AREL1: variants seen among roughly 807,000 people sequenced by gnomAD.
AREL1 encodes the protein apoptosis resistant E3 ubiquitin protein ligase 1.
AREL1 carries 62 observed loss-of-function variants against 99.0 expected under a neutral mutation model. The ratio of observed to expected loss-of-function variants is 0.63; its 90% CI spans 0.51 to 0.77. The LOEUF is 0.77. Ranked by LOEUF, AREL1 falls within the 30% of genes least tolerant of loss-of-function variation. The pLI, the probability that AREL1 is intolerant of heterozygous loss-of-function variation, is 0.00. For missense variants in AREL1, 879 were observed against 1,027.6 expected (o/e 0.86, Z 1.98); for synonymous variants, 380 against 376.5 (o/e 1.01, Z -0.11).
chr14:74,683,259 G>GGA, intron 5 of AREL1, 37 bp downstream of exon 5: 1 of 1,420,534 alleles, frequency 7.0e-7, no homozygotes, highest in African/African-American at 1.4e-5. Context: ...AGAGAGGGAA[G>GGA]GAGACAAAGG....
chr14:74,677,832 G>A (rs1406112598), intron 5 of AREL1, among the ~76,000 whole-genome samples: 174 of 142,988 alleles, frequency 1.2e-3, no homozygotes, highest in Admixed American at 3.1e-3. Context: ...AAAAAAAAAA[G>A]AGGAAAAAAC....
At chr14:74,669,605 A>G (rs1405525960) in intron 15 of AREL1, 44 bp downstream of exon 15, 2 of 1,599,806 alleles carry the variant, frequency 1.3e-6, no homozygotes, top group Non-Finnish European at 8.5e-7. Context: ...GCTCTACAGG[A>G]AACTGGAGAA....
At chr14:74,673,471 TAAG>T (rs1236428452) in intron 9 of AREL1, among the ~76,000 whole-genome samples, 1 of 152,166 alleles carries the variant, frequency 6.6e-6, no homozygotes, top group Non-Finnish European at 1.5e-5. Context: ...ACATAAAATA[TAAG>T]AAGGGTGATA....
At chr14:74,693,779 A>G (rs2089929283) in intron 1 of AREL1, among the ~76,000 whole-genome samples, 1 of 152,260 alleles carries the variant, frequency 6.6e-6, no homozygotes. Context: ...CAAGGAAGAA[A>G]GCACAAAATG....
intron 1 of AREL1, chr14:74,701,579 T>C (rs772793038): frequency 2.0e-5 from 3 of 152,204 alleles, no homozygotes; most frequent in African/African-American, 7.2e-5. Context: ...ATGAGAATTA[T>C]GGGAACTATA....
chr14:74,708,489 T>C (rs1187632027), intron 1 of AREL1, among the ~76,000 whole-genome samples: 1 of 152,190 alleles, frequency 6.6e-6, no homozygotes, highest in Non-Finnish European at 1.5e-5. Flanking sequence ...GTTTACCATA[T>C]ATACCGGGGG....
chr14:74,676,973 G>A (rs906553063), intron 5 of AREL1, among the ~76,000 whole-genome samples: 5 of 151,414 alleles, frequency 3.3e-5, no homozygotes, highest in Non-Finnish European at 5.9e-5. Flanking sequence ...ATTTTTTTTT[G>A]TATTTTTAGT....
At chr14:74,685,700 T>TTGA (rs2089733031) in intron 2 of AREL1, 40 bp from the exon 3 acceptor site, 1 of 1,560,158 alleles carries the variant, frequency 6.4e-7, no homozygotes. Context: ...TCTCCAACTC[T>TTGA]GCCTCATAGC....
At chr14:74,687,384 T>C (rs1405091857) in intron 2 of AREL1, among the ~76,000 whole-genome samples, 1 of 152,172 alleles carries the variant, frequency 6.6e-6, no homozygotes, top group Admixed American at 6.5e-5. Context: ...GACTGCAAAC[T>C]GTGTGACCTA....
At chr14:74,706,863 G>A (rs2090188067) in intron 1 of AREL1, among the ~76,000 whole-genome samples, 1 of 152,140 alleles carries the variant, frequency 6.6e-6, no homozygotes, top group Non-Finnish European at 1.5e-5. Flanking sequence ...AGCTTCTCAG[G>A]AAAGTTCACA....
intron 5 of AREL1, among the ~76,000 whole-genome samples, chr14:74,677,276 C>T (rs552254683): frequency 1.3e-5 from 2 of 151,808 alleles, no homozygotes; most frequent in Admixed American, 1.3e-4. Context: ...CAGAGAATCC[C>T]TTAAGGATCC....
chr14:74,700,309 A>C (rs908896474), intron 1 of AREL1, among the ~76,000 whole-genome samples: 9 of 152,244 alleles, frequency 5.9e-5, no homozygotes, highest in African/African-American at 1.7e-4. Flanking sequence ...AGAAAGCTAA[A>C]ATGACTTGCC....
intron 17 of AREL1, among the ~76,000 whole-genome samples, chr14:74,666,820 AGT>A (rs925718456): frequency 4.6e-5 from 7 of 151,716 alleles, no homozygotes; most frequent in Non-Finnish European, 1.0e-4. Context: ...CCGGGGTTCA[AGT>A]AATTCTCATG....
At position 74,684,571 on chromosome 14, in the gene AREL1, C is replaced by G. The variant is rs1479720860; in HGVS notation, c.126G>C (p.Gly42=). Residue 42 remains glycine, a synonymous_variant, in exon 4 of 20, where the codon GGG becomes GGC. Transcript: ENST00000356357. ...FLQNEDRERR[G]DRTIYDYVRG... is the part of the protein sequence containing the mutation. ...GCACGTAGTCATAAATAGTCCGGTC[C>G]CCTCGGCGCTCGCGGTCCTCATTCT... 4 of 1,614,102 alleles carry G rather than the reference C, an allele frequency of 2.5e-6. No homozygotes were observed. The highest frequency in any genetic ancestry group is 2.2e-5 in the South Asian group (2 of 91,078).
At chr14:74,693,990 G>A (rs1437811085) in intron 1 of AREL1, among the ~76,000 whole-genome samples, 5 of 152,126 alleles carry the variant, frequency 3.3e-5, no homozygotes, top group Admixed American at 1.3e-4. Context: ...CAGCCTGGGC[G>A]ACATAACAAA....
At chr14:74,686,541 A>G (rs1460144518) in intron 2 of AREL1, among the ~76,000 whole-genome samples, 1 of 152,240 alleles carries the variant, frequency 6.6e-6, no homozygotes, top group Non-Finnish European at 1.5e-5. Context: ...TTTTCAAGTC[A>G]GCGTACACTA....
intron 3 of AREL1, 110 bp from the exon 4 acceptor site, chr14:74,684,790 G>T (rs1027482947): frequency 7.5e-6 from 7 of 932,864 alleles, no homozygotes; most frequent in South Asian, 4.5e-5. Context: ...GGATGAGACT[G>T]TAAGACTGCC....
chr14:74,685,366 A>C (rs1410961726), intron 3 of AREL1, among the ~76,000 whole-genome samples: 1 of 152,144 alleles, frequency 6.6e-6, no homozygotes, highest in Non-Finnish European at 1.5e-5. Flanking sequence ...TTGAAGGCAG[A>C]TTTTTGTCTT....
At chr14:74,673,056 A>T (rs1278126874) in intron 10 of AREL1, 21 bp downstream of exon 10, 4 of 1,613,986 alleles carry the variant, frequency 2.5e-6, no homozygotes. Flanking sequence ...CCTTCCCTAT[A>T]GAATCCCTGT....
Sources: gnomAD v4.1 joint callset for allele counts (sites outside exome capture counted in the v4.1 genomes callset) on GRCh38, gnomAD v4.1.1 for gene constraint, MANE v1.5 for transcripts, NCBI Gene and HGNC (gene_info 2026-07-23, HGNC 2026-07-21) for gene names.